Variants in DDX55 observed in about 807,000 individuals in gnomAD.
DDX55 encodes DEAD-box helicase 55, also known as ATP-dependent RNA helicase DDX55.
Under a neutral mutation model 69.2 loss-of-function variants are expected in DDX55, and 56 were observed. The ratio of observed to expected loss-of-function variants is 0.81; its 90% confidence interval spans 0.65 to 1.01. The LOEUF (loss-of-function observed/expected upper bound fraction) is 1.01. Ranked by LOEUF, DDX55 falls within the 50% of genes least tolerant of loss-of-function variation. The pLI, the probability that DDX55 is intolerant of heterozygous loss-of-function variation, is 0.00. For missense variants in DDX55, 720 were observed against 745.1 expected, an observed-to-expected ratio of 0.97 and a Z score of 0.39; for synonymous variants, 268 against 273.1, an observed-to-expected ratio of 0.98 and a Z score of 0.18.
intron 8 of DDX55, among the ~76,000 whole-genome samples, chr12:123,614,523 G>A (rs1954507492): frequency 6.6e-6 from 1 of 152,188 alleles, no homozygotes; most frequent in Non-Finnish European, 1.5e-5. Context: ...AAGGGTCCAG[G>A]GTGAACTTTA....
In DDX55 at chr12:123,620,421, C is replaced by T. The variant is rs754893205; in HGVS notation, c.*281C>T. On this transcript the variant is annotated 3_prime_UTR_variant, in exon 14 of 14. Coordinates refer to ENST00000238146, the MANE Select transcript of DDX55 (RefSeq NM_020936.3). ...ATCACTTGAGCCCAGGAGTTCAAGA[C>T]CAGCCTGGGAACACAGCGAGACCCT... The T allele has an allele frequency of 5.1e-5, 12 of 236,024 alleles. No individual in the cohort carries two copies. The highest frequency in any genetic ancestry group is 8.2e-5 in the Non-Finnish European group (10 of 121,426). 14.6% of individuals were successfully genotyped at this position (236,024 alleles called of 1,614,324 possible). A position where few individuals can be genotyped will look rare whatever the true frequency, so the allele number is the denominator to read the frequency against.
In DDX55 at chr12:123,615,245, G is replaced by T. The variant is rs1270739163; in HGVS notation, c.885G>T (p.Lys295Asn). ...TGGAAGTGCTGGTGAAGGGCGTGAA[G>T]ATTATGTGCATTCACGGAAAGATGA... ...KALEVLVKGV[K>N]IMCIHGKMKY... The change falls in exon 9 of 14, where the codon AAG becomes AAT. Residue 295 changes from lysine (K) to asparagine (N), a missense_variant. By Grantham distance (94) the Lys-to-Asn change is moderately conservative. Coordinates refer to ENST00000238146, the MANE Select transcript of DDX55 (RefSeq NM_020936.3). The T allele has an allele frequency of 3.1e-6, 5 of 1,614,154 alleles. No homozygotes were observed. The highest frequency in any genetic ancestry group is 4.2e-6 in the Non-Finnish European group (5 of 1,180,012).
intron 5 of DDX55, chr12:123,607,929 G>T: frequency 1.9e-6 from 1 of 517,014 alleles, no homozygotes; most frequent in Non-Finnish European, 3.5e-6. Context: ...GGGATGGTGA[G>T]GAACTGGCCA....
chr12:123,616,621 C>T lies in DDX55; in HGVS notation c.1049+18C>T, dbSNP rs369696982. On this transcript the variant is annotated intron_variant, in intron 10 of 13. Transcript: ENST00000238146. ...AATGCAAGGTATGGTACGAGGCTGC[C>T]ACCCACTCTCTGTTGAGGAATTTAG... 2 of 1,608,616 alleles carry T rather than the reference C, an allele frequency of 1.2e-6. No individual in the cohort carries two copies. Among genetic ancestry groups the T allele is most frequent in the Admixed American group, 1.7e-5 (1 of 59,976 alleles).
Position 123,617,707 on chromosome 12 carries a change from C to G in DDX55, c.1050-51C>G, listed in dbSNP as rs758021380. The G allele has an allele frequency of 6.6e-6, 10 of 1,508,912 alleles. No individual in the cohort carries two copies. In the South Asian group the frequency reaches 1.3e-4, roughly 19 times the overall value. 93.5% of individuals were successfully genotyped at this position (1,508,912 alleles called of 1,614,324 possible). On this transcript the variant is annotated intron_variant, in intron 10 of 13. Transcript: ENST00000238146. ...CAGCCATGTGGCTGGAGCCTGAGCT[C>G]TGTTCAGCTGTCATCACCTGGGTAC...
At chr12:123,606,276 C>A in intron 3 of DDX55, 117 bp downstream of exon 3, 1 of 1,258,252 alleles carries the variant, frequency 7.9e-7, no homozygotes, top group Non-Finnish European at 1.1e-6. Flanking sequence ...CGCCTGTAAT[C>A]CCAGCACTTT....
In DDX55 at chr12:123,619,464, G is replaced by A; in HGVS notation, c.1366G>A (p.Ala456Thr). The A allele has an allele frequency of 6.2e-7, 1 of 1,613,480 alleles. No individual in the cohort carries two copies. Among genetic ancestry groups the A allele is most frequent in the East Asian group, 2.2e-5 (1 of 44,882 alleles). ...LDFASLARGF[A>T]LLRMPKMPEL... is the part of the protein sequence containing the mutation. ...TTTTGCCAGCCTTGCTCGAGGTTTT[G>A]CCCTGCTGAGGATGCCCAAGATGCC... The change falls in exon 13 of 14, where the codon GCC becomes ACC. Residue 456 changes from alanine to threonine, a missense_variant. Transcript: ENST00000238146.
At chr12:123,611,437 G>A (rs749595243) in intron 7 of DDX55, among the ~76,000 whole-genome samples, 3 of 152,210 alleles carry the variant, frequency 2.0e-5, no homozygotes, top group South Asian at 2.1e-4. Flanking sequence ...CACTGCTGAC[G>A]GTACACTGGC....
At position 123,615,094 on chromosome 12, in the gene DDX55, G is replaced by A. The variant is rs571091827; in HGVS notation, c.825-91G>A. On this transcript the variant is annotated intron_variant, in intron 8 of 13. Coordinates refer to ENST00000238146, the MANE Select transcript of DDX55 (RefSeq NM_020936.3). ...TAGGGAGGGCTTGTAGTTAGGTTGC[G>A]TCTGCTGCAGCTATTGCTCACTGTT... is the stretch of plus-strand genomic sequence containing the variant. The A allele has an allele frequency of 8.7e-5, 136 of 1,561,366 alleles. No individual in the cohort carries two copies. The African/African-American group carries it at 1.6e-3, about 18-fold the overall frequency.
chr12:123,602,329 G>C, intron 1 of DDX55, 73 bp downstream of exon 1: 1 of 1,375,960 alleles, frequency 7.3e-7, no homozygotes, highest in Non-Finnish European at 9.8e-7. Context: ...CCCACAGGAG[G>C]TGATCGGACA....
At chr12:123,610,551 G>A (rs192983556) in intron 7 of DDX55, among the ~76,000 whole-genome samples, 1 of 147,730 alleles carries the variant, frequency 6.8e-6, no homozygotes, top group East Asian at 2.0e-4. Flanking sequence ...GGGTGGAAAT[G>A]TTCTGCTCCG....
chr12:123,617,831 A>T lies in DDX55; in HGVS notation c.1123A>T (p.Met375Leu). 6.2e-7 allele frequency: 1 copy of T among 1,614,168 alleles called. No homozygotes were observed. Among genetic ancestry groups the T allele is most frequent in the Non-Finnish European group, 8.5e-7 (1 of 1,180,042 alleles). Residue 375 changes from methionine to leucine, a missense_variant, in exon 11 of 14, where the codon ATG becomes TTG. By Grantham distance (15) the Met-to-Leu change is conservative. Coordinates refer to ENST00000238146, the MANE Select transcript of DDX55 (RefSeq NM_020936.3). ...CAGCGCTCTGGTGTTCCTCCTGCCC[A>T]TGGAAGAGTCATACATCAATTTCCT... ...GGSALVFLLP[M>L]EESYINFLAI...
At chr12:123,616,378 A>C in intron 9 of DDX55, 133 bp from the exon 10 acceptor site, 1 of 751,930 alleles carries the variant, frequency 1.3e-6, no homozygotes, top group Non-Finnish European at 2.2e-6. Context: ...AAAAATCAAA[A>C]TATTACCTTA....
chr12:123,618,015 GTTTTTTT>G, intron 11 of DDX55, 143 bp downstream of exon 11: 1 of 457,322 alleles, frequency 2.2e-6, no homozygotes, highest in Non-Finnish European at 3.8e-6. Flanking sequence ...CCCTGGTGGG[GTTTTTTT>G]TTTTTTTTTT....
At chr12:123,617,630 G>A (rs1397405803) in intron 10 of DDX55, 128 bp from the exon 11 acceptor site, 2 of 660,670 alleles carry the variant, frequency 3.0e-6, no homozygotes, top group African/African-American at 3.8e-5. Flanking sequence ...AAGTGGCCGA[G>A]TCCACACTGA....
In DDX55 at chr12:123,620,088, G is replaced by A; in HGVS notation, c.1751G>A (p.Arg584Lys). ...FEKGLLTTGK[R>K]TIKTVDLGIS... ...AAGGGCTTGTTGACAACTGGCAAAA[G>A]AACAATCAAGACAGTGGATTTAGGG... The change falls in exon 14 of 14, where the codon AGA becomes AAA. Residue 584 changes from arginine (R) to lysine (K), a missense_variant. Arg to Lys is a conservative substitution (Grantham distance 26). Coordinates refer to ENST00000238146, the MANE Select transcript of DDX55 (RefSeq NM_020936.3). 1 of 1,614,144 alleles carries A rather than the reference G, an allele frequency of 6.2e-7. No individual in the cohort carries two copies. The highest frequency in any genetic ancestry group is 8.5e-7 in the Non-Finnish European group (1 of 1,180,024).
chr12:123,606,528 T>A (rs546904271), intron 3 of DDX55, among the ~76,000 whole-genome samples: 13 of 152,136 alleles, frequency 8.5e-5, no homozygotes, highest in Non-Finnish European at 1.8e-4. Flanking sequence ...TTGTTTTCAC[T>A]GCTCAGGTGT....
Position 123,602,237 on chromosome 12 carries a change from C to T in DDX55, c.89C>T (p.Pro30Leu), listed in dbSNP as rs937806191. Residue 30 changes from proline to leucine, a missense_variant, in exon 1 of 14, where the codon CCG (proline) becomes CTG (leucine). Transcript: ENST00000238146. The stretch of plus-strand genomic sequence containing the variant: ...GGCGCGCTGCGGGAGCTGGGCTTCC[C>T]GTACATGACGCCGGTGCAGGTATCG... ...VLGALRELGF[P>L]YMTPVQSATI... The T allele has an allele frequency of 8.3e-6, 13 of 1,567,288 alleles. No individual in the cohort carries two copies. The East Asian group carries it at 2.6e-4, about 31-fold the overall frequency.
intron 8 of DDX55, among the ~76,000 whole-genome samples, chr12:123,614,027 TTCTA>T (rs1358094098): frequency 5.9e-5 from 9 of 152,020 alleles, no homozygotes; most frequent in Admixed American, 5.2e-4. Context: ...ATAATTTCTT[TTCTA>T]TCTGTTATCC....
Sources: gnomAD v4.1 joint callset for allele counts (sites outside exome capture counted in the v4.1 genomes callset) on GRCh38, gnomAD v4.1.1 for gene constraint, MANE v1.5 for transcripts, NCBI Gene and HGNC (gene_info 2026-07-23, HGNC 2026-07-21) for gene names.